Variants in NKAIN2 observed in about 807,000 individuals in gnomAD.
NKAIN2 encodes the protein sodium/potassium transporting ATPase interacting 2, also known as sodium/potassium-transporting ATPase subunit beta-1-interacting protein 2.
In NKAIN2, 14 loss-of-function variants were observed where a neutral mutation model predicts 32.6. The ratio of observed to expected loss-of-function variants is 0.43; its 90% CI spans 0.28 to 0.67. NKAIN2 has a LOEUF of 0.67. Among genes scored for constraint, NKAIN2 ranks in the 30% least tolerant of loss-of-function variants. The probability of loss-of-function intolerance (pLI) is 0.17; values close to 1 mark genes in which losing one functional copy is unlikely to be tolerated. For missense variants in NKAIN2, 198 were observed against 258.3 expected (o/e 0.77, Z 1.60); for synonymous variants, 80 against 87.2 (o/e 0.92, Z 0.46).
At chr6:124,359,429 A>G (rs1321194242) in intron 3 of NKAIN2, among the ~76,000 whole-genome samples, 2 of 152,120 alleles carry the variant, frequency 1.3e-5, no homozygotes, top group Admixed American at 6.6e-5. Context: ...CCATTTGTTT[A>G]TATCCTCTTT....
chr6:124,681,198 T>C (rs573003285), intron 4 of NKAIN2, among the ~76,000 whole-genome samples: 8 of 152,166 alleles, frequency 5.3e-5, no homozygotes, highest in African/African-American at 1.9e-4. Context: ...TGTTCACATA[T>C]TATTTTATTA....
At chr6:124,670,251 G>T (rs1381276036) in intron 4 of NKAIN2, among the ~76,000 whole-genome samples, 1 of 152,028 alleles carries the variant, frequency 6.6e-6, no homozygotes, top group Non-Finnish European at 1.5e-5. Context: ...CCAGAATCTT[G>T]TTGATGTTAA....
At chr6:123,944,095 G>T (rs1043889766) in intron 1 of NKAIN2, among the ~76,000 whole-genome samples, 1 of 151,842 alleles carries the variant, frequency 6.6e-6, no homozygotes, top group Non-Finnish European at 1.5e-5. Flanking sequence ...TGGACCTAAA[G>T]GAAGGAAAAA....
chr6:124,013,873 AGG>A (rs1285224470), intron 1 of NKAIN2, among the ~76,000 whole-genome samples: 2 of 152,176 alleles, frequency 1.3e-5, no homozygotes, highest in Non-Finnish European at 2.9e-5. Context: ...CAATGAATAC[AGG>A]TGGCTTTTGG....
chr6:123,955,004 G>A (rs1437362030), intron 1 of NKAIN2, among the ~76,000 whole-genome samples: 4 of 151,984 alleles, frequency 2.6e-5, no homozygotes, highest in African/African-American at 4.8e-5. Context: ...AAGGGGAGGA[G>A]GGGAGAAGGG....
At chr6:124,257,780 CT>C (rs374874073) in intron 1 of NKAIN2, among the ~76,000 whole-genome samples, 211 of 136,178 alleles carry the variant, frequency 1.5e-3, no homozygotes, top group Non-Finnish European at 2.0e-3. Context: ...TTTTTCTTTT[CT>C]TTTTTTTTTT....
chr6:124,482,965 A>G (rs1777511943), intron 3 of NKAIN2, among the ~76,000 whole-genome samples: 1 of 152,106 alleles, frequency 6.6e-6, no homozygotes, highest in Non-Finnish European at 1.5e-5. Flanking sequence ...TACTAAAAAT[A>G]CCAAAAATTA....
At position 124,153,453 on chromosome 6, in the gene NKAIN2, G is replaced by A. The variant is rs185302646; in HGVS notation, c.55-129552G>A. ...ATAGCATTGAATTTATAGATAACTT[G>A]AGGGATAATTAACTTTTAACATTAT... On this transcript the variant is annotated intron_variant, in intron 1 of 6. Transcript: ENST00000368417. Among the ~76,000 whole-genome samples the A allele has an allele frequency of 1.1e-3, 161 of 151,756 alleles. 1 individual carries two copies. Among genetic ancestry groups the A allele is most frequent in the African/African-American group, 3.4e-3 (143 of 41,506 alleles).
intron 3 of NKAIN2, among the ~76,000 whole-genome samples, chr6:124,400,119 G>A (rs1583189187): frequency 1.3e-5 from 2 of 152,122 alleles, no homozygotes; most frequent in East Asian, 3.9e-4. Context: ...ATACTTCTGA[G>A]GGTGCCATCA....
At chr6:124,421,852 G>C (rs1275326663) in intron 3 of NKAIN2, among the ~76,000 whole-genome samples, 3 of 152,246 alleles carry the variant, frequency 2.0e-5, no homozygotes, top group Admixed American at 2.0e-4. Context: ...CGCGGGAAAC[G>C]TATGTCCGGC....
chr6:124,658,602 T>C, intron 4 of NKAIN2: 1 of 1,165,774 alleles, frequency 8.6e-7, no homozygotes, highest in Non-Finnish European at 1.2e-6. Flanking sequence ...ATACCCTTTG[T>C]TATCATCAGC....
chr6:124,720,291 C>A (rs1365949960), intron 4 of NKAIN2, among the ~76,000 whole-genome samples: 1 of 152,148 alleles, frequency 6.6e-6, no homozygotes, highest in African/African-American at 2.4e-5. Flanking sequence ...AAACTTCAGT[C>A]CTCTTTAGGA....
At position 124,477,684 on chromosome 6, in the gene NKAIN2, C is replaced by T. The variant is rs1289087857; in HGVS notation, c.273+122337C>T. 3.3e-5 allele frequency among the ~76,000 whole-genome samples: 4 copies of T among 121,446 alleles called. No individual in the cohort carries two copies. The South Asian group carries it at 1.4e-3, about 42-fold the overall frequency. The allele number at this position is 121,446 out of a possible 152,430, so 79.7% of individuals were successfully genotyped here. On this transcript the variant is annotated intron_variant, in intron 3 of 6. Coordinates refer to ENST00000368417, the MANE Select transcript of NKAIN2 (RefSeq NM_001040214.3). ...ATCCTTCCCCTTCTCCTTTCCCCTC[C>T]CCTCTCCCTCATCCTCTCCCTCCCC...
At chr6:124,379,222 GA>G (rs1800145474) in intron 3 of NKAIN2, among the ~76,000 whole-genome samples, 1 of 82,616 alleles carries the variant, frequency 1.2e-5, no homozygotes, top group Non-Finnish European at 2.6e-5. Context: ...GGAAAGGAGG[GA>G]AGAGGGGAGG....
chr6:124,427,203 T>C (rs192410366), intron 3 of NKAIN2, among the ~76,000 whole-genome samples: 6 of 152,186 alleles, frequency 3.9e-5, no homozygotes, highest in Non-Finnish European at 8.8e-5. Flanking sequence ...TATAATAAAT[T>C]GTACATGAAT....
intron 5 of NKAIN2, among the ~76,000 whole-genome samples, chr6:124,807,695 C>T (rs9388378): frequency 0.39 from 57,719 of 148,036 alleles, 11,967 homozygotes; most frequent in East Asian, 0.58. Context: ...ATTAATGAAT[C>T]CAGGAGCTGG....
chr6:124,665,281 A>G (rs563943531), intron 4 of NKAIN2, among the ~76,000 whole-genome samples: 2 of 152,360 alleles, frequency 1.3e-5, no homozygotes, highest in African/African-American at 4.8e-5. Flanking sequence ...GCAGTAATTG[A>G]AACAGTATGG....
chr6:124,589,747 G>A (rs1781839577), intron 3 of NKAIN2, among the ~76,000 whole-genome samples: 2 of 152,076 alleles, frequency 1.3e-5, no homozygotes, highest in Admixed American at 1.3e-4. Context: ...TGCCATGGTG[G>A]TTTGCTGCAC....
intron 1 of NKAIN2, among the ~76,000 whole-genome samples, chr6:123,914,351 G>A (rs185060237): frequency 3.7e-4 from 56 of 152,022 alleles, no homozygotes; most frequent in Middle Eastern, 3.4e-3. Flanking sequence ...AAGACATGTC[G>A]GGAGGAAGCC....
Sources: allele counts gnomAD v4.1 joint callset (sites outside exome capture counted in the v4.1 genomes callset), GRCh38; gene constraint gnomAD v4.1.1; transcripts MANE v1.5; gene names NCBI Gene and HGNC (gene_info 2026-07-23, HGNC 2026-07-21).